Variants in IL23R observed in about 807,000 individuals in gnomAD.
IL23R encodes the protein interleukin-23 receptor.
IL23R carries 34 observed loss-of-function variants against 56.9 expected under a neutral mutation model. That is an observed-to-expected ratio of 0.60 (90% CI 0.45 to 0.80). The LOEUF (loss-of-function observed/expected upper bound fraction) is 0.80. IL23R is among the 30% of genes least tolerant of loss of function. IL23R has a pLI of 0.00. For synonymous variants in IL23R, 230 were observed against 249.2 expected (o/e 0.92, Z 0.73); for missense variants, 635 against 730.0 (o/e 0.87, Z 1.50).
At chr1:67,172,198 G>A (rs1463789477) in intron 3 of IL23R, among the ~76,000 whole-genome samples, 1 of 152,140 alleles carries the variant, frequency 6.6e-6, no homozygotes, top group East Asian at 1.9e-4. Context: ...GTTTTTGAGG[G>A]TTTTGTGGCA....
At chr1:67,227,956 TTCTTTCTTTCTTTC>T in intron 7 of IL23R, among the ~76,000 whole-genome samples, 1 of 7,156 alleles carries the variant, frequency 1.4e-4, no homozygotes, top group Non-Finnish European at 4.4e-4. Context: ...CTTTCTTTCT[TTCTTTCTTTCTTTC>T]TTTCTTTCTT....
At chr1:67,237,276 G>A (rs750293659) in intron 8 of IL23R, among the ~76,000 whole-genome samples, 9 of 152,080 alleles carry the variant, frequency 5.9e-5, no homozygotes, top group Non-Finnish European at 1.2e-4. Flanking sequence ...CCTGACCTCA[G>A]GTGATCCACC....
Position 67,248,646 on chromosome 1 carries a change from T to C in IL23R, c.1149-7191T>C, listed in dbSNP as rs567403430. ...CAAACTCATTCTCCATCCAGTTTTGTTCCCTTGCTGGCGAGGAGTTGTGAT... is the reference window on the plus strand; with the variant it reads ...CAAACTCATTCTCCATCCAGTTTTGCTCCCTTGCTGGCGAGGAGTTGTGAT... On this transcript the variant is annotated intron_variant, in intron 9 of 10. Coordinates refer to ENST00000347310, the MANE Select transcript of IL23R (RefSeq NM_144701.3). Among the ~76,000 whole-genome samples the C allele has an allele frequency of 2.3e-3, 352 of 152,354 alleles. 1 individual carries two copies. Among genetic ancestry groups the C allele is most frequent in the African/African-American group, 8.0e-3 (332 of 41,582 alleles).
chr1:67,153,699 T>A (rs1271184598), intron 1 of IL23R, among the ~76,000 whole-genome samples: 1 of 152,158 alleles, frequency 6.6e-6, no homozygotes, highest in Non-Finnish European at 1.5e-5. Flanking sequence ...TCAATTTTGT[T>A]ATTTACCGAA....
chr1:67,157,326 T>G (rs1340386126), intron 1 of IL23R, among the ~76,000 whole-genome samples: 1 of 152,184 alleles, frequency 6.6e-6, no homozygotes, highest in Non-Finnish European at 1.5e-5. Context: ...CTACAAAATA[T>G]ATTCCTTTTA....
intron 6 of IL23R, among the ~76,000 whole-genome samples, chr1:67,214,731 T>C (rs1043457132): frequency 2.0e-5 from 3 of 152,234 alleles, no homozygotes; most frequent in Non-Finnish European, 4.4e-5. Context: ...ATCGGCTATC[T>C]ACTGCTACGA....
intron 6 of IL23R, among the ~76,000 whole-genome samples, chr1:67,218,423 C>A (rs916542690): frequency 1.3e-5 from 2 of 149,086 alleles, no homozygotes; most frequent in African/African-American, 5.0e-5. Flanking sequence ...CAATGAGGAC[C>A]AACTTACAGC....
chr1:67,240,784 T>A (rs184926209), intron 9 of IL23R, among the ~76,000 whole-genome samples: 19 of 152,290 alleles, frequency 1.2e-4, no homozygotes, highest in African/African-American at 4.1e-4. Context: ...GCCCCCAGAA[T>A]TACAGCAGAT....
At chr1:67,184,568 TAAATAAAATA>T (rs10555527) in intron 4 of IL23R, among the ~76,000 whole-genome samples, 103,404 of 142,834 alleles carry the variant, frequency 0.72, 37,778 homozygotes, top group East Asian at 0.92. Flanking sequence ...TAAAATAAAA[TAAATAAAATA>T]AAATAAAATA....
In IL23R at chr1:67,219,829, G is replaced by A. The variant is rs189187373; in HGVS notation, c.955+99G>A. The A allele has an allele frequency of 6.1e-6, 7 of 1,156,268 alleles. No individual in the cohort carries two copies. In the African/African-American group the frequency reaches 1.1e-4, roughly 18 times the overall value. 71.6% of individuals were successfully genotyped at this position (1,156,268 alleles called of 1,614,324 possible). On this transcript the variant is annotated intron_variant, in intron 7 of 10. Coordinates refer to ENST00000347310, the MANE Select transcript of IL23R (RefSeq NM_144701.3). ...ACCTATAATTCCAGCACTTTGAGAG[G>A]CCAAGGCAGGAAGATTGCTTGAGCC...
intron 5 of IL23R, among the ~76,000 whole-genome samples, chr1:67,203,202 T>G (rs550463531): frequency 6.6e-6 from 1 of 152,326 alleles, no homozygotes; most frequent in East Asian, 1.9e-4. Flanking sequence ...ACACCTCTCA[T>G]GCACATCACG....
At chr1:67,202,539 G>C (rs1331082419) in intron 5 of IL23R, among the ~76,000 whole-genome samples, 5 of 152,140 alleles carry the variant, frequency 3.3e-5, no homozygotes, top group African/African-American at 1.2e-4. Flanking sequence ...CCAGCTAACA[G>C]CTTTTCACAT....
Position 67,200,725 on chromosome 1 carries a change from T to G in IL23R, c.492-12T>G, listed in dbSNP as rs1299146630. 6.2e-7 allele frequency: 1 copy of G among 1,611,812 alleles called. No individual in the cohort carries two copies. Among genetic ancestry groups the G allele is most frequent in the African/African-American group, 1.3e-5 (1 of 74,834 alleles). ...AATACAATTTATGATCATCTTTTTTTTTTGTTTTAAGTTTAGAGACAGAAG... is the reference window on the plus strand; with the variant it reads ...AATACAATTTATGATCATCTTTTTTGTTTGTTTTAAGTTTAGAGACAGAAG... On this transcript the variant is annotated splice_polypyrimidine_tract_variant and intron_variant, in intron 4 of 10. Coordinates refer to ENST00000347310, the MANE Select transcript of IL23R (RefSeq NM_144701.3).
chr1:67,171,838 A>G (rs2102560141), intron 3 of IL23R, among the ~76,000 whole-genome samples: 1 of 152,290 alleles, frequency 6.6e-6, no homozygotes, highest in East Asian at 1.9e-4. Flanking sequence ...TGCAGTTTGT[A>G]TAACTGATTA....
chr1:67,254,277 C>T (rs1360358739), intron 9 of IL23R, among the ~76,000 whole-genome samples: 3 of 151,960 alleles, frequency 2.0e-5, no homozygotes, highest in African/African-American at 4.8e-5. Flanking sequence ...CCATGTTGGC[C>T]AGGCTGCTCT....
intron 1 of IL23R, among the ~76,000 whole-genome samples, chr1:67,155,353 G>C (rs539431571): frequency 4.6e-5 from 7 of 152,144 alleles, no homozygotes; most frequent in Non-Finnish European, 8.8e-5. Context: ...CTAGGTTGGG[G>C]AAGTTCTCCT....
At chr1:67,195,490 G>A (rs1475803983) in intron 4 of IL23R, among the ~76,000 whole-genome samples, 2 of 152,182 alleles carry the variant, frequency 1.3e-5, no homozygotes, top group Non-Finnish European at 2.9e-5. Context: ...TAGAGCTTAA[G>A]TAACTTGCTC....
chr1:67,174,023 G>A (rs145223835), intron 3 of IL23R, among the ~76,000 whole-genome samples: 35 of 152,258 alleles, frequency 2.3e-4, no homozygotes, highest in African/African-American at 8.2e-4. Flanking sequence ...GCTTTTGGAT[G>A]TGTTTAGGAC....
downstream of IL23R, among the ~76,000 whole-genome samples, chr1:67,262,340 G>T (rs2100404968): frequency 6.6e-6 from 1 of 152,192 alleles, no homozygotes; most frequent in Middle Eastern, 3.4e-3. Context: ...GGGGTGGAGA[G>T]AGGCAGAAAA....
Sources: gnomAD v4.1 joint callset for allele counts (sites outside exome capture counted in the v4.1 genomes callset) on GRCh38, gnomAD v4.1.1 for gene constraint, MANE v1.5 for transcripts, NCBI Gene and HGNC (gene_info 2026-07-23, HGNC 2026-07-21) for gene names.